C12orf42: variants seen among roughly 807,000 people sequenced by gnomAD.
The protein encoded by C12orf42 is uncharacterized protein C12orf42.
C12orf42 carries 25 observed loss-of-function variants against 21.6 expected under a neutral mutation model. That is an observed-to-expected ratio of 1.16 (90% CI 0.84 to 1.62). C12orf42 has a LOEUF of 1.62. Among genes scored for constraint, C12orf42 ranks in the 40% most tolerant of loss-of-function variants. C12orf42 has a pLI of 0.00. For missense variants in C12orf42, 483 were observed against 459.3 expected (o/e 1.05, Z -0.47); for synonymous variants, 174 against 175.0 (o/e 0.99, Z 0.05).
chr12:103,532,656 A>G, the C12orf42 span, among the ~76,000 whole-genome samples: 1 of 152,238 alleles, frequency 6.6e-6, no homozygotes, highest in Admixed American at 6.5e-5. Context: ...AACTTCTGAC[A>G]CAATTATGTA....
At chr12:103,519,267 G>A in the C12orf42 span, among the ~76,000 whole-genome samples, 4 of 151,976 alleles carry the variant, frequency 2.6e-5, no homozygotes, top group Admixed American at 2.0e-4. Context: ...ACCCAATCTC[G>A]AGCAGTTCTT....
chr12:103,158,903 C>T, the C12orf42 span, among the ~76,000 whole-genome samples: 58 of 150,474 alleles, frequency 3.9e-4, no homozygotes, highest in Admixed American at 6.6e-4. Flanking sequence ...GATTGATAGT[C>T]TAGATATCCT....
At chr12:103,383,084 A>G (rs564765613) in intron 3 of C12orf42, among the ~76,000 whole-genome samples, 1 of 152,062 alleles carries the variant, frequency 6.6e-6, no homozygotes, top group South Asian at 2.1e-4. Flanking sequence ...TCTTATATGT[A>G]TAAATTTGCT....
At chr12:103,267,865 A>G (rs1168188620), downstream of C12orf42, 1 of 152,176 alleles carries the variant, frequency 6.6e-6, no homozygotes, top group Non-Finnish European at 1.5e-5. Flanking sequence ...TTGGTTTTCC[A>G]GTTCTTATAT....
At chr12:103,548,892 C>G in the C12orf42 span, 1 of 152,054 alleles carries the variant, frequency 6.6e-6, no homozygotes, top group African/African-American at 2.4e-5. Context: ...GATCCAAAAG[C>G]CCAAGAAAAA....
chr12:103,506,738 T>C, the C12orf42 span, among the ~76,000 whole-genome samples: 2 of 139,954 alleles, frequency 1.4e-5, no homozygotes, highest in African/African-American at 5.4e-5. Context: ...TCAACTAGGT[T>C]AGAAAGAAAG....
At chr12:103,296,314 C>G (rs2037280067) in intron 4 of C12orf42, among the ~76,000 whole-genome samples, 1 of 152,098 alleles carries the variant, frequency 6.6e-6, no homozygotes. Flanking sequence ...AATAGTGCCA[C>G]AATACACACA....
chr12:103,540,407 C>T, the C12orf42 span, among the ~76,000 whole-genome samples: 1 of 152,062 alleles, frequency 6.6e-6, no homozygotes, highest in South Asian at 2.1e-4. Flanking sequence ...GTTAAAATAT[C>T]CCTAGTATGA....
At chr12:103,134,991 A>T in the C12orf42 span, among the ~76,000 whole-genome samples, 2 of 152,092 alleles carry the variant, frequency 1.3e-5, no homozygotes, top group African/African-American at 4.8e-5. Context: ...CAAAACAAAT[A>T]AAAAAAATAA....
At chr12:103,375,503 C>G (rs1415266688) in intron 3 of C12orf42, among the ~76,000 whole-genome samples, 1 of 151,938 alleles carries the variant, frequency 6.6e-6, no homozygotes, top group Non-Finnish European at 1.5e-5. Flanking sequence ...CTTATAATGA[C>G]CTAGTAAAGG....
the C12orf42 span, among the ~76,000 whole-genome samples, chr12:103,214,475 T>C: frequency 6.6e-6 from 1 of 152,186 alleles, no homozygotes; most frequent in Non-Finnish European, 1.5e-5. Flanking sequence ...CTCACTTTAG[T>C]GGGACCAGCT....
chr12:103,320,982 C>T (rs180782349), intron 4 of C12orf42, among the ~76,000 whole-genome samples: 12 of 152,294 alleles, frequency 7.9e-5, no homozygotes, highest in Non-Finnish European at 7.4e-5. Flanking sequence ...GCATGCCACG[C>T]TCTGTGAGTG....
At chr12:103,327,607 A>G (rs1045159920) in intron 4 of C12orf42, among the ~76,000 whole-genome samples, 1 of 152,228 alleles carries the variant, frequency 6.6e-6, no homozygotes, top group Non-Finnish European at 1.5e-5. Flanking sequence ...AGAGGACAGA[A>G]TTAAGACCAG....
chr12:103,445,877 T>A (rs1046620671), intron 2 of C12orf42, among the ~76,000 whole-genome samples: 1 of 152,008 alleles, frequency 6.6e-6, no homozygotes, highest in African/African-American at 2.4e-5. Flanking sequence ...GTTAGAGATT[T>A]GTCATTTTTA....
At chr12:103,086,992 A>G in the C12orf42 span, among the ~76,000 whole-genome samples, 1 of 152,214 alleles carries the variant, frequency 6.6e-6, no homozygotes, top group Non-Finnish European at 1.5e-5. Flanking sequence ...GGTATTATCA[A>G]AAGGAAATGC....
At chr12:103,469,002 C>T (rs550194479) in intron 2 of C12orf42, among the ~76,000 whole-genome samples, 13 of 152,334 alleles carry the variant, frequency 8.5e-5, no homozygotes, top group African/African-American at 2.6e-4. Flanking sequence ...AGGCCTTGGG[C>T]GGCCTAGTGC....
intron 2 of C12orf42, among the ~76,000 whole-genome samples, chr12:103,448,220 T>G (rs1425209283): frequency 6.6e-6 from 1 of 152,014 alleles, no homozygotes; most frequent in Non-Finnish European, 1.5e-5. Flanking sequence ...CAAATGGTGC[T>G]GGGATAATTG....
chr12:103,251,180 C>T (rs2034281648), intron 10 of C12orf42, among the ~76,000 whole-genome samples: 2 of 152,122 alleles, frequency 1.3e-5, no homozygotes, highest in East Asian at 3.9e-4. Flanking sequence ...CACCATCAGA[C>T]ACTTGGTTGC....
the C12orf42 span, among the ~76,000 whole-genome samples, chr12:103,144,315 A>C: frequency 6.6e-6 from 1 of 152,216 alleles, no homozygotes; most frequent in South Asian, 2.1e-4. Flanking sequence ...AGATGAGGAG[A>C]AAAAAGGTAA....
Sources: allele counts gnomAD v4.1 joint callset (sites outside exome capture counted in the v4.1 genomes callset), GRCh38; gene constraint gnomAD v4.1.1; transcripts MANE v1.5; gene names NCBI Gene and HGNC (gene_info 2026-07-23, HGNC 2026-07-21).